ADCY8: variants seen among roughly 807,000 people sequenced by gnomAD.
The protein encoded by ADCY8 is adenylate cyclase type 8.
Under a neutral mutation model 119.7 loss-of-function variants are expected in ADCY8, and 51 were observed. The observed-to-expected ratio is 0.43, with a 90% confidence interval of 0.34 to 0.54. ADCY8 has a LOEUF of 0.54. Ranked by LOEUF, ADCY8 falls within the 20% of genes least tolerant of loss-of-function variation. The pLI, the probability that ADCY8 is intolerant of heterozygous loss-of-function variation, is 0.03. For missense variants in ADCY8, 1,383 were observed against 1,598.8 expected (o/e 0.87, Z 2.30); for synonymous variants, 665 against 651.0 (o/e 1.02, Z -0.33).
intron 7 of ADCY8, among the ~76,000 whole-genome samples, chr8:130,893,657 GGTGTGTGTGTGTGTGTGTGT>G (rs113157821): frequency 6.7e-6 from 1 of 148,896 alleles, no homozygotes; most frequent in Non-Finnish European, 1.5e-5. Flanking sequence ...GGGAGAAGAA[GGTGTGTGTGTGTGTGTGTGT>G]GTGTGTGTGT....
At chr8:130,879,321 T>C (rs1163253939) in intron 8 of ADCY8, among the ~76,000 whole-genome samples, 1 of 152,154 alleles carries the variant, frequency 6.6e-6, no homozygotes, top group Admixed American at 6.5e-5. Context: ...CGATAAAAGA[T>C]TGGCAATGAA....
chr8:130,873,163 T>C (rs1216393425), intron 8 of ADCY8, among the ~76,000 whole-genome samples: 1 of 152,186 alleles, frequency 6.6e-6, no homozygotes, highest in Non-Finnish European at 1.5e-5. Flanking sequence ...GAACTCTTCC[T>C]AGGTGAGGGG....
At chr8:130,882,203 AT>A (rs1430571391) in intron 8 of ADCY8, among the ~76,000 whole-genome samples, 1 of 150,808 alleles carries the variant, frequency 6.6e-6, no homozygotes, top group Non-Finnish European at 1.5e-5. Context: ...TCAATGAAAT[AT>A]AGTAGCTGGA....
chr8:130,865,661 C>T (rs978436638), intron 9 of ADCY8, among the ~76,000 whole-genome samples: 4 of 152,102 alleles, frequency 2.6e-5, no homozygotes, highest in Admixed American at 1.3e-4. Context: ...CTAGAAAGAG[C>T]ATGGGTTGTT....
rs766075741 is a variant in ADCY8 at position 130,901,918 on chromosome 8, G to A, written c.1911+1854C>T. Among the ~76,000 whole-genome samples the A allele has an allele frequency of 6.5e-4, 99 of 152,164 alleles. 1 individual carries two copies. The highest frequency in any genetic ancestry group is 3.4e-3 in the Middle Eastern group (1 of 294). On this transcript the variant is annotated intron_variant, in intron 7 of 17. Transcript: ENST00000286355. ...ACATCTCTTATAATAGGTATTTGGTGACATCAGGAAATATCTTTAGGAAAT... is the reference window on the plus strand; with the variant it reads ...ACATCTCTTATAATAGGTATTTGGTAACATCAGGAAATATCTTTAGGAAAT...
At chr8:130,934,484 C>T (rs1421337617) in intron 5 of ADCY8, among the ~76,000 whole-genome samples, 1 of 152,166 alleles carries the variant, frequency 6.6e-6, no homozygotes, top group Non-Finnish European at 1.5e-5. Flanking sequence ...CAATTACCTC[C>T]CATTAGGCCC....
At chr8:130,891,423 T>A (rs954638794) in intron 7 of ADCY8, among the ~76,000 whole-genome samples, 1 of 152,176 alleles carries the variant, frequency 6.6e-6, no homozygotes, top group Admixed American at 6.6e-5. Flanking sequence ...TGTTCTTTTT[T>A]TGACAGATTA....
At position 130,948,716 on chromosome 8, in the gene ADCY8, C is replaced by T. The variant is rs536195934; in HGVS notation, c.1241+3152G>A. ...AGGCAGTTTACCATGAAGAGGGTGACGGGCTTGGAAATGATTTCAAAAATG... is the reference window on the plus strand; with the variant it reads ...AGGCAGTTTACCATGAAGAGGGTGATGGGCTTGGAAATGATTTCAAAAATG... On this transcript the variant is annotated intron_variant, in intron 3 of 17. Coordinates refer to ENST00000286355, the MANE Select transcript of ADCY8 (RefSeq NM_001115.3). Among the ~76,000 whole-genome samples, 251 of 149,134 alleles carry T rather than the reference C, an allele frequency of 1.7e-3. 1 individual carries two copies. The highest frequency in any genetic ancestry group is 1.6e-3 in the Non-Finnish European group (109 of 67,680).
At chr8:130,799,788 T>C (rs768801830) in intron 15 of ADCY8, among the ~76,000 whole-genome samples, 18 of 152,244 alleles carry the variant, frequency 1.2e-4, no homozygotes, top group Non-Finnish European at 2.5e-4. Context: ...GCTTATTCCG[T>C]AGCATTTTCT....
At chr8:130,806,654 T>C (rs187312613) in intron 14 of ADCY8, among the ~76,000 whole-genome samples, 92 of 152,198 alleles carry the variant, frequency 6.0e-4, no homozygotes, top group African/African-American at 2.1e-3. Context: ...TGGGAGGAGA[T>C]ATTAATTTCT....
intron 5 of ADCY8, among the ~76,000 whole-genome samples, chr8:130,931,076 T>C (rs1433887932): frequency 6.6e-6 from 1 of 152,216 alleles, no homozygotes; most frequent in Non-Finnish European, 1.5e-5. Context: ...ATTAGCATCC[T>C]TTTCTTTCAG....
intron 12 of ADCY8, among the ~76,000 whole-genome samples, chr8:130,830,379 A>G (rs1481111025): frequency 6.6e-6 from 1 of 152,152 alleles, no homozygotes; most frequent in Non-Finnish European, 1.5e-5. Flanking sequence ...TGGAGGGGTC[A>G]GCTTTCCCCA....
chr8:130,904,446 A>G (rs191458423), intron 6 of ADCY8, among the ~76,000 whole-genome samples: 22 of 152,340 alleles, frequency 1.4e-4, no homozygotes, highest in African/African-American at 4.8e-4. Flanking sequence ...ATCATTATCC[A>G]AATCACCATG....
At chr8:130,836,570 C>G in intron 11 of ADCY8, 121 bp from the exon 12 acceptor site, 1 of 998,312 alleles carries the variant, frequency 1.0e-6, no homozygotes, top group East Asian at 2.7e-5. Context: ...GTCTCAAGGC[C>G]TCCTGAAATT....
intron 12 of ADCY8, among the ~76,000 whole-genome samples, chr8:130,825,849 T>C (rs1470824529): frequency 1.3e-5 from 2 of 152,166 alleles, no homozygotes; most frequent in Non-Finnish European, 2.9e-5. Context: ...TCTTTCTGTC[T>C]CTCTGCCTCA....
At chr8:130,966,902 C>T (rs1302058603) in intron 2 of ADCY8, among the ~76,000 whole-genome samples, 1 of 152,102 alleles carries the variant, frequency 6.6e-6, no homozygotes, top group Non-Finnish European at 1.5e-5. Context: ...TACTGGCAAG[C>T]CTGCTCTATT....
chr8:131,023,947 T>C (rs1260878220), intron 1 of ADCY8, among the ~76,000 whole-genome samples: 3 of 152,228 alleles, frequency 2.0e-5, no homozygotes, highest in African/African-American at 4.8e-5. Flanking sequence ...TAAGAAGACA[T>C]ACCAGCATTT....
chr8:130,951,149 A>T (rs1364047377), intron 3 of ADCY8, among the ~76,000 whole-genome samples: 3 of 135,938 alleles, frequency 2.2e-5, no homozygotes, highest in Non-Finnish European at 4.9e-5. Context: ...TATGATCCAC[A>T]TAAAACTCTG....
chr8:130,943,318 C>T (rs1277884025), intron 4 of ADCY8, 33 bp downstream of exon 4: 4 of 1,502,124 alleles, frequency 2.7e-6, no homozygotes, highest in Non-Finnish European at 3.7e-6. Context: ...CTCACTCCTG[C>T]AAAAGACGAG....
Sources: allele counts gnomAD v4.1 joint callset (sites outside exome capture counted in the v4.1 genomes callset), GRCh38; gene constraint gnomAD v4.1.1; transcripts MANE v1.5; gene names NCBI Gene and HGNC (gene_info 2026-07-23, HGNC 2026-07-21).